KIAA1217: variants seen among roughly 807,000 people sequenced by gnomAD.
KIAA1217 encodes KIAA1217, also known as sickle tail protein homolog.
In KIAA1217, 88 loss-of-function variants were observed where a neutral mutation model predicts 163.9. The observed-to-expected ratio is 0.54, with a 90% CI of 0.45 to 0.64. KIAA1217 has a LOEUF of 0.64. KIAA1217 is among the 30% of genes least tolerant of loss of function. KIAA1217 has a pLI of 0.00. For missense variants in KIAA1217, 2,372 were observed against 2,475.0 expected (o/e 0.96, Z 0.88); for synonymous variants, 903 against 923.1 (o/e 0.98, Z 0.39).
chr10:24,240,566 G>A (rs760813306), intron 2 of KIAA1217, among the ~76,000 whole-genome samples: 8 of 152,190 alleles, frequency 5.3e-5, no homozygotes, highest in Non-Finnish European at 8.8e-5. Flanking sequence ...AGTTCTGGGC[G>A]TTGAGTTCTG....
intron 1 of KIAA1217, among the ~76,000 whole-genome samples, chr10:23,754,389 A>T (rs998773375): frequency 6.6e-6 from 1 of 152,202 alleles, no homozygotes. Flanking sequence ...CATGTGACCC[A>T]CATAAGGAGT....
intron 2 of KIAA1217, among the ~76,000 whole-genome samples, chr10:24,013,956 C>G (rs1236540142): frequency 6.6e-6 from 1 of 152,120 alleles, no homozygotes; most frequent in African/African-American, 2.4e-5. Context: ...GTGTCACTGT[C>G]TGAGAATATT....
intron 2 of KIAA1217, among the ~76,000 whole-genome samples, chr10:24,326,302 A>T (rs2044881813): frequency 6.6e-6 from 1 of 152,162 alleles, no homozygotes; most frequent in South Asian, 2.1e-4. Context: ...TTAACACCTT[A>T]TAGAAAAAAA....
At chr10:24,400,745 C>G (rs2056430013) in intron 3 of KIAA1217, among the ~76,000 whole-genome samples, 1 of 151,946 alleles carries the variant, frequency 6.6e-6, no homozygotes, top group African/African-American at 2.4e-5. Context: ...ATGAGGAAAT[C>G]TCACAATCTG....
chr10:24,320,814 C>T (rs771971272), intron 2 of KIAA1217, among the ~76,000 whole-genome samples: 5 of 151,996 alleles, frequency 3.3e-5, no homozygotes, highest in Middle Eastern at 3.4e-3. Context: ...GAGGCTGAGG[C>T]GGGCGGATCA....
chr10:24,119,927 A>C (rs2063213492), intron 2 of KIAA1217, among the ~76,000 whole-genome samples: 1 of 152,180 alleles, frequency 6.6e-6, no homozygotes, highest in Admixed American at 6.5e-5. Flanking sequence ...AAGGCTCTCT[A>C]CGGACCAGCA....
At chr10:23,705,005 T>C (rs1286756020) in intron 1 of KIAA1217, among the ~76,000 whole-genome samples, 4 of 152,150 alleles carry the variant, frequency 2.6e-5, no homozygotes. Context: ...GGATTTGAAA[T>C]GGTATCTTGT....
At chr10:24,365,793 C>G (rs1487659179) in intron 2 of KIAA1217, among the ~76,000 whole-genome samples, 1 of 152,002 alleles carries the variant, frequency 6.6e-6, no homozygotes, top group Non-Finnish European at 1.5e-5. Flanking sequence ...GGCTTTTTGG[C>G]TTTCGAGTGT....
intron 2 of KIAA1217, among the ~76,000 whole-genome samples, chr10:24,326,886 T>A (rs142396134): frequency 4.7e-4 from 71 of 152,314 alleles, no homozygotes; most frequent in Admixed American, 1.8e-3. Flanking sequence ...TGAAATTACT[T>A]ATGATTTGTA....
chr10:23,926,818 C>G (rs767835181), intron 1 of KIAA1217, among the ~76,000 whole-genome samples: 1 of 152,082 alleles, frequency 6.6e-6, no homozygotes, highest in Non-Finnish European at 1.5e-5. Context: ...CTTCCTCCCT[C>G]TTTTCGATCC....
chr10:24,276,607 GCT>G (rs1491519076), intron 2 of KIAA1217, among the ~76,000 whole-genome samples: 6 of 122,880 alleles, frequency 4.9e-5, no homozygotes, highest in Admixed American at 9.3e-5. Flanking sequence ...ATCAAGTCCA[GCT>G]TTTTTTTTTT....
At chr10:24,513,802 A>G (rs2069597191) in intron 10 of KIAA1217, among the ~76,000 whole-genome samples, 1 of 147,462 alleles carries the variant, frequency 6.8e-6, no homozygotes, top group Non-Finnish European at 1.5e-5. Context: ...AAAAAAAAAA[A>G]CAGAGAGAGT....
At chr10:24,300,504 CCT>C (rs1425110650) in intron 2 of KIAA1217, among the ~76,000 whole-genome samples, 3 of 152,098 alleles carry the variant, frequency 2.0e-5, no homozygotes, top group Non-Finnish European at 4.4e-5. Flanking sequence ...TATGAAAGCC[CCT>C]CTCTCTGCAT....
intron 2 of KIAA1217, among the ~76,000 whole-genome samples, chr10:24,157,340 G>T (rs991169150): frequency 3.9e-5 from 6 of 152,238 alleles, no homozygotes; most frequent in African/African-American, 1.4e-4. Context: ...TTATTGGGTT[G>T]TTTATTTTCT....
At position 24,547,549 on chromosome 10, in the gene KIAA1217, G is replaced by A. The variant is rs1564921595; in HGVS notation, c.*1225G>A. 2 of 152,192 alleles carry A rather than the reference G, an allele frequency of 1.3e-5. No individual in the cohort carries two copies. The highest frequency in any genetic ancestry group is 4.8e-5 in the African/African-American group (2 of 41,436). 9.4% of individuals were successfully genotyped at this position (152,192 alleles called of 1,614,324 possible). Reference sequence around the variant, plus strand: ...CAAAGAACGAAATGTAACTGTTACCGAGTTAAATGTTTTTCCGCTTTGAGG... The same window carrying A: ...CAAAGAACGAAATGTAACTGTTACCAAGTTAAATGTTTTTCCGCTTTGAGG... On this transcript the variant is annotated 3_prime_UTR_variant, in exon 21 of 21. Transcript: ENST00000376454.
chr10:23,847,033 C>T (rs573413988), intron 1 of KIAA1217, among the ~76,000 whole-genome samples: 7 of 151,966 alleles, frequency 4.6e-5, no homozygotes, highest in Admixed American at 2.6e-4. Context: ...GTGATGGATT[C>T]CATTTATTGA....
intron 1 of KIAA1217, among the ~76,000 whole-genome samples, chr10:23,797,921 T>C (rs1356356648): frequency 1.3e-5 from 2 of 152,232 alleles, no homozygotes; most frequent in African/African-American, 2.4e-5. Flanking sequence ...TCATGAATCC[T>C]AGAAGGAGAT....
intron 2 of KIAA1217, among the ~76,000 whole-genome samples, chr10:24,020,499 A>G (rs1017349635): frequency 3.3e-5 from 5 of 152,084 alleles, no homozygotes; most frequent in Admixed American, 3.3e-4. Flanking sequence ...GGGCTATATA[A>G]GCTTCACACA....
intron 1 of KIAA1217, among the ~76,000 whole-genome samples, chr10:23,961,017 A>C (rs1844796505): frequency 6.6e-6 from 1 of 152,242 alleles, no homozygotes; most frequent in Non-Finnish European, 1.5e-5. Flanking sequence ...ATTTTTATAA[A>C]GCCTCCAGAG....
Sources: allele counts gnomAD v4.1 joint callset (sites outside exome capture counted in the v4.1 genomes callset), GRCh38; gene constraint gnomAD v4.1.1; transcripts MANE v1.5; gene names NCBI Gene and HGNC (gene_info 2026-07-23, HGNC 2026-07-21).